The following SEC23A variants were observed in gnomAD, a reference collection of about 807,000 sequenced individuals.
SEC23A encodes the protein protein transport protein Sec23A.
Under a neutral mutation model 103.7 loss-of-function variants are expected in SEC23A, and 56 were observed. That is an observed-to-expected ratio of 0.54 (90% confidence interval 0.44 to 0.67). SEC23A has a LOEUF of 0.67. Ranked by LOEUF, SEC23A falls within the 30% of genes least tolerant of loss-of-function variation. The pLI is 0.00. For synonymous variants in SEC23A, 281 were observed against 293.0 expected (o/e 0.96, Z 0.42); for missense variants, 784 against 936.4 (o/e 0.84, Z 2.12).
intron 7 of SEC23A, among the ~76,000 whole-genome samples, chr14:39,076,395 A>T (rs1284091879): frequency 6.6e-6 from 1 of 151,446 alleles, no homozygotes; most frequent in Non-Finnish European, 1.5e-5. Context: ...AAAGTGGAAG[A>T]GTGAACATCT....
intron 16 of SEC23A, among the ~76,000 whole-genome samples, chr14:39,044,426 T>C (rs955086027): frequency 6.6e-6 from 1 of 152,068 alleles, no homozygotes; most frequent in African/African-American, 2.4e-5. Flanking sequence ...AAAAAAATCA[T>C]TGTAACGAAA....
rs566165456 is a variant in SEC23A, at chr14:39,062,111, G to T, written c.1399-240C>A. Among the ~76,000 whole-genome samples, 32 of 152,236 alleles carry T rather than the reference G, an allele frequency of 2.1e-4. No individual in the cohort carries two copies. In the South Asian group the frequency reaches 6.6e-3, roughly 32 times the overall value. The stretch of plus-strand genomic sequence containing the variant: ...GTCCTGCTAGGAAATCAATTTTCAA[G>T]TAATATATAAGCCAGAGGGACATGA... On this transcript the variant is annotated intron_variant, in intron 12 of 19. Transcript: ENST00000307712.
intron 13 of SEC23A, among the ~76,000 whole-genome samples, chr14:39,060,092 T>C (rs1032526399): frequency 4.8e-5 from 7 of 147,256 alleles, no homozygotes; most frequent in African/African-American, 1.8e-4. Flanking sequence ...AAATTTAATG[T>C]GTGCACACAC....
At chr14:39,099,703 G>A (rs895069418) in intron 1 of SEC23A, among the ~76,000 whole-genome samples, 5 of 152,162 alleles carry the variant, frequency 3.3e-5, no homozygotes, top group Non-Finnish European at 1.5e-5. Flanking sequence ...AGGCCAATGA[G>A]TTTTAAGGTA....
intron 7 of SEC23A, among the ~76,000 whole-genome samples, chr14:39,077,478 G>A (rs577578348): frequency 5.7e-4 from 87 of 151,970 alleles, no homozygotes; most frequent in African/African-American, 1.8e-3. Flanking sequence ...GGAGGTGGAG[G>A]TTGCAGTGAG....
chr14:39,039,040 G>A lies in SEC23A; in HGVS notation c.2199C>T (p.Ala733=). 6.2e-7 allele frequency: 1 copy of A among 1,612,652 alleles called. No individual in the cohort carries two copies. The highest frequency in any genetic ancestry group is 8.5e-7 in the Non-Finnish European group (1 of 1,178,868). Residue 733 remains alanine, a synonymous_variant, in exon 19 of 20, where the codon GCC becomes GCT. Coordinates refer to ENST00000307712, the MANE Select transcript of SEC23A (RefSeq NM_006364.4). ...TGCTATTTAAACTTACCTGCCCCCAGGCATACATATTATTATGAGTCTGTG... is the reference window on the plus strand; with the variant it reads ...TGCTATTTAAACTTACCTGCCCCCAAGCATACATATTATTATGAGTCTGTG... ...NPSQTHNNMY[A]WGQESGAPIL...
At chr14:39,075,895 G>C (rs202030162) in intron 8 of SEC23A, 40 bp downstream of exon 8, 1 of 1,580,648 alleles carries the variant, frequency 6.3e-7, no homozygotes, top group Non-Finnish European at 8.7e-7. Flanking sequence ...ATGAATACCT[G>C]TTTTCTAATA....
At chr14:39,057,119 G>A (rs1418096739) in intron 13 of SEC23A, among the ~76,000 whole-genome samples, 1 of 152,010 alleles carries the variant, frequency 6.6e-6, no homozygotes, top group Admixed American at 6.6e-5. Context: ...TTCAAGATCA[G>A]CCTCAGCAAC....
At position 39,096,075 on chromosome 14, in the gene SEC23A, T is replaced by A. The variant is rs779725449; in HGVS notation, c.44A>T (p.Asp15Val). 6.2e-7 allele frequency: 1 copy of A among 1,614,056 alleles called. No individual in the cohort carries two copies. The highest frequency in any genetic ancestry group is 1.3e-5 in the African/African-American group (1 of 75,048). ...AACATTCCAACTAAATCGGACTCCA[T>A]CTCGTTCTTCATTTTGTTGAATGAA... ...LEFIQQNEER[D>V]GVRFSWNVWP... The change falls in exon 2 of 20, where the codon GAT becomes GTT. Residue 15 changes from aspartate to valine, a missense_variant. Physicochemically the swap from Asp to Val is radical, Grantham distance 152. Coordinates refer to ENST00000307712, the MANE Select transcript of SEC23A (RefSeq NM_006364.4).
In SEC23A at chr14:39,094,434, ATATATATATTTT is replaced by A. The variant is rs1192658958; in HGVS notation, c.222-1202_222-1191del. On this transcript the variant is annotated intron_variant, in intron 2 of 19. Coordinates refer to ENST00000307712, the MANE Select transcript of SEC23A (RefSeq NM_006364.4). The stretch of plus-strand genomic sequence containing the variant: ...TATATATATATATATATATATATAT[ATATATATATTTT>A]TTTTTTTTTTTTTTCCCCTCCTGTA... Among the ~76,000 whole-genome samples, 67 of 29,850 alleles carry A rather than the reference ATATATATATTTT, an allele frequency of 2.2e-3. 10 individuals are homozygous for A. The highest frequency in any genetic ancestry group is 8.4e-3 in the African/African-American group (19 of 2,252). The allele number at this position is 29,850 out of a possible 152,430, so 19.6% of individuals were successfully genotyped here.
intron 17 of SEC23A, among the ~76,000 whole-genome samples, chr14:39,042,522 T>G (rs553478682): frequency 2.6e-4 from 39 of 152,270 alleles, no homozygotes; most frequent in African/African-American, 9.4e-4. Flanking sequence ...CATTTGTCTA[T>G]GTACAGTCAG....
rs1886609393 is a variant in SEC23A at position 39,064,997 on chromosome 14, C to T, written c.1228-4G>A. On this transcript the variant is annotated splice_polypyrimidine_tract_variant and splice_region_variant and intron_variant, in intron 10 of 19. Coordinates refer to ENST00000307712, the MANE Select transcript of SEC23A (RefSeq NM_006364.4). ...AAATCTTTATTTCCCTTGAGGTCTG[C>T]AAAATAAGAATACAGCATGTTCGGT... 1.9e-6 allele frequency: 3 copies of T among 1,599,900 alleles called. No individual in the cohort carries two copies. The African/African-American group carries it at 4.0e-5, about 21-fold the overall frequency.
At position 39,033,170 on chromosome 14, in the gene SEC23A, T is replaced by C; in HGVS notation, c.*69A>G. The C allele has an allele frequency of 3.3e-6, 4 of 1,207,996 alleles. No homozygotes were observed. The South Asian group carries it at 4.9e-5, about 15-fold the overall frequency. The allele number at this position is 1,207,996 out of a possible 1,614,324, so 74.8% of individuals were successfully genotyped here. On this transcript the variant is annotated 3_prime_UTR_variant, in exon 20 of 20. Coordinates refer to ENST00000307712, the MANE Select transcript of SEC23A (RefSeq NM_006364.4). ...ATATCTGTTGGTTTCCACAGATAAA[T>C]GGAAAAAGGAAAAAATGAAATTTGA...
intron 16 of SEC23A, among the ~76,000 whole-genome samples, chr14:39,043,518 G>A (rs1885723228): frequency 6.6e-6 from 1 of 152,210 alleles, no homozygotes; most frequent in South Asian, 2.1e-4. Flanking sequence ...CATATGAAAT[G>A]AAAGGGAGTG....
chr14:39,102,353 T>G (rs999920779), intron 1 of SEC23A, among the ~76,000 whole-genome samples: 2 of 152,252 alleles, frequency 1.3e-5, no homozygotes, highest in Non-Finnish European at 2.9e-5. Context: ...CAAGTTAATT[T>G]GGCTAGTTAT....
chr14:39,075,852 C>T, intron 8 of SEC23A, 83 bp downstream of exon 8: 1 of 1,202,590 alleles, frequency 8.3e-7, no homozygotes, highest in Non-Finnish European at 1.2e-6. Context: ...CAATTTCTAT[C>T]AAAAACTATT....
intron 2 of SEC23A, among the ~76,000 whole-genome samples, chr14:39,093,954 C>A (rs1242099971): frequency 1.3e-5 from 2 of 151,948 alleles, no homozygotes; most frequent in African/African-American, 2.4e-5. Context: ...AAAAAGAGAA[C>A]TGCTCTCATG....
chr14:39,044,415 C>CA (rs148976663), intron 16 of SEC23A, among the ~76,000 whole-genome samples: 4,755 of 151,968 alleles, frequency 0.031, 89 homozygotes, highest in African/African-American at 0.038. Flanking sequence ...TGACCAATTA[C>CA]AAAAAAATCA....
At chr14:39,093,912 C>T (rs973534010) in intron 2 of SEC23A, among the ~76,000 whole-genome samples, 1 of 151,934 alleles carries the variant, frequency 6.6e-6, no homozygotes, top group Non-Finnish European at 1.5e-5. Flanking sequence ...CTAATAAGTA[C>T]CAACCACTAT....
Sources: allele counts gnomAD v4.1 joint callset (sites outside exome capture counted in the v4.1 genomes callset), GRCh38; gene constraint gnomAD v4.1.1; transcripts MANE v1.5; gene names NCBI Gene and HGNC (gene_info 2026-07-23, HGNC 2026-07-21).